Variants in PPM1E observed in about 807,000 individuals in gnomAD.
The protein encoded by PPM1E is protein phosphatase, Mg2+/Mn2+ dependent 1E.
A neutral mutation model predicts 65.9 loss-of-function variants in PPM1E; 20 were observed. The observed-to-expected ratio is 0.30, with a 90% confidence interval of 0.21 to 0.44. The LOEUF is 0.44. Among genes scored for constraint, PPM1E ranks in the 20% least tolerant of loss-of-function variants. PPM1E has a pLI of 1.00. For missense variants in PPM1E, 713 were observed against 953.1 expected (o/e 0.75, Z 3.32); for synonymous variants, 352 against 374.9 (o/e 0.94, Z 0.70).
At chr17:58,923,384 T>G (rs1413859776) in intron 1 of PPM1E, among the ~76,000 whole-genome samples, 1 of 148,584 alleles carries the variant, frequency 6.7e-6, no homozygotes, top group African/African-American at 2.5e-5. Flanking sequence ...AGGCAGAAGC[T>G]GGAGGATCAC....
At chr17:58,956,983 A>G (rs544175755) in intron 2 of PPM1E, among the ~76,000 whole-genome samples, 7 of 152,208 alleles carry the variant, frequency 4.6e-5, no homozygotes, top group Non-Finnish European at 8.8e-5. Flanking sequence ...ACTGACAGTA[A>G]CTGATTCACC....
At chr17:58,932,617 A>G (rs1344838845) in intron 1 of PPM1E, among the ~76,000 whole-genome samples, 1 of 152,236 alleles carries the variant, frequency 6.6e-6, no homozygotes, top group Non-Finnish European at 1.5e-5. Context: ...AGGAAGTTCC[A>G]GGATATCATT....
chr17:58,944,931 A>T (rs570102643), intron 1 of PPM1E, among the ~76,000 whole-genome samples: 2 of 152,310 alleles, frequency 1.3e-5, no homozygotes, highest in South Asian at 2.1e-4. Flanking sequence ...GTACCACTTT[A>T]CATCTCCACT....
In PPM1E at chr17:58,837,260, TAAAAAA is replaced by T. The variant is rs57058929; in HGVS notation, c.464+80816_464+80821del. Among the ~76,000 whole-genome samples the T allele has an allele frequency of 4.5e-5, 3 of 66,278 alleles. No individual in the cohort carries two copies. The East Asian group carries it at 1.6e-3, about 36-fold the overall frequency. The allele number at this position is 66,278 out of a possible 152,430, so 43.5% of individuals were successfully genotyped here. Reference sequence around the variant, plus strand: ...GTAAAACCCTGTCTCTTAAAAAAATTAAAAAAAAAAAAAAAAAAAAAAGAATTCCCA... The same window carrying T: ...GTAAAACCCTGTCTCTTAAAAAAATTAAAAAAAAAAAAAAAAGAATTCCCA... On this transcript the variant is annotated intron_variant, in intron 1 of 6. Coordinates refer to ENST00000308249, the MANE Select transcript of PPM1E (RefSeq NM_014906.5).
In PPM1E at chr17:58,983,183, G is replaced by A; in HGVS notation, c.*2152G>A. On this transcript the variant is annotated 3_prime_UTR_variant, in exon 7 of 7. Coordinates refer to ENST00000308249, the MANE Select transcript of PPM1E (RefSeq NM_014906.5). Reference sequence around the variant, plus strand: ...ATTTTGTAGGTCCGACTACACAGCAGTGTTAACTCATTTCTCATGCCATTA... The same window carrying A: ...ATTTTGTAGGTCCGACTACACAGCAATGTTAACTCATTTCTCATGCCATTA... 3 of 378,290 alleles carry A rather than the reference G, an allele frequency of 7.9e-6. No individual in the cohort carries two copies. In the East Asian group the frequency reaches 1.2e-4, roughly 16 times the overall value. The allele number at this position is 378,290 out of a possible 1,614,324, so 23.4% of individuals were successfully genotyped here.
At chr17:58,834,831 T>C (rs1477377462) in intron 1 of PPM1E, among the ~76,000 whole-genome samples, 2 of 152,236 alleles carry the variant, frequency 1.3e-5, no homozygotes, top group Admixed American at 6.5e-5. Flanking sequence ...ACCCTTATTT[T>C]ATTCTTTTTT....
intron 1 of PPM1E, among the ~76,000 whole-genome samples, chr17:58,769,959 G>A (rs936501274): frequency 5.9e-5 from 9 of 152,062 alleles, no homozygotes; most frequent in Non-Finnish European, 1.2e-4. Context: ...CCCAGGAGGT[G>A]GAGGTTATAG....
intron 1 of PPM1E, among the ~76,000 whole-genome samples, chr17:58,847,923 T>C (rs1052721841): frequency 3.3e-5 from 5 of 152,218 alleles, no homozygotes; most frequent in Admixed American, 3.3e-4. Flanking sequence ...TTCTTCCATT[T>C]GTTTGTGTCC....
chr17:58,958,407 C>T (rs1188803259), intron 2 of PPM1E, among the ~76,000 whole-genome samples: 1 of 151,552 alleles, frequency 6.6e-6, no homozygotes, highest in East Asian at 1.9e-4. Flanking sequence ...GACAGGGTCT[C>T]GCTATGTTGC....
chr17:58,963,530 C>G (rs1471635732), intron 2 of PPM1E, among the ~76,000 whole-genome samples: 2 of 150,932 alleles, frequency 1.3e-5, no homozygotes, highest in Non-Finnish European at 2.9e-5. Flanking sequence ...GGTGAAATGC[C>G]ATCTCTACTA....
chr17:58,954,031 A>G (rs2052279751), intron 1 of PPM1E, among the ~76,000 whole-genome samples: 1 of 152,236 alleles, frequency 6.6e-6, no homozygotes. Context: ...GGCATGAGCC[A>G]CCATGCCCAG....
At chr17:58,909,155 A>G (rs1168422174) in intron 1 of PPM1E, among the ~76,000 whole-genome samples, 2 of 151,916 alleles carry the variant, frequency 1.3e-5, no homozygotes, top group South Asian at 2.1e-4. Flanking sequence ...AATTTCTTTT[A>G]ATATTTCTTG....
chr17:58,955,507 C>A (rs987507334), intron 1 of PPM1E, 142 bp from the exon 2 acceptor site: 2 of 943,524 alleles, frequency 2.1e-6, no homozygotes, highest in African/African-American at 3.3e-5. Flanking sequence ...AGTGCCTACT[C>A]AATAAATATT....
rs955874207 is a variant in PPM1E, at chr17:58,816,748, A to G, written c.464+60287A>G. On this transcript the variant is annotated intron_variant, in intron 1 of 6. Transcript: ENST00000308249. ...AGCATGTATCAGAATATAAATATAT[A>G]TATATATATATATATATATATATAT... Among the ~76,000 whole-genome samples the G allele has an allele frequency of 7.1e-3, 62 of 8,702 alleles. 1 individual carries two copies. Among genetic ancestry groups the G allele is most frequent in the African/African-American group, 0.027 (40 of 1,478 alleles). The allele number at this position is 8,702 out of a possible 152,430, so 5.7% of individuals were successfully genotyped here.
chr17:58,847,782 A>C (rs2050786785), intron 1 of PPM1E, among the ~76,000 whole-genome samples: 1 of 152,134 alleles, frequency 6.6e-6, no homozygotes, highest in Non-Finnish European at 1.5e-5. Context: ...ATGAACTTGA[A>C]AGTAGTTTTT....
intron 1 of PPM1E, among the ~76,000 whole-genome samples, chr17:58,840,433 A>AGG (rs2050706933): frequency 6.6e-6 from 1 of 152,172 alleles, no homozygotes. Context: ...CTTAGAGAAT[A>AGG]CCTCCCTGGA....
chr17:58,876,251 CTTGA>C (rs1482231444), intron 1 of PPM1E, among the ~76,000 whole-genome samples: 2 of 152,032 alleles, frequency 1.3e-5, no homozygotes, highest in Non-Finnish European at 2.9e-5. Flanking sequence ...CTTTTGTGAG[CTTGA>C]TTAATTTTTA....
rs536588247 is a variant in PPM1E at position 58,893,421 on chromosome 17, A to G, written c.465-62228A>G. Among the ~76,000 whole-genome samples, 5 of 152,338 alleles carry G rather than the reference A, an allele frequency of 3.3e-5. No homozygotes were observed. In the South Asian group the frequency reaches 6.2e-4, roughly 19 times the overall value. Reference sequence around the variant, plus strand: ...TGGAAAAAGACAAAACTGTGGAGACAACAAACAGATCAGTGGTTTTCAAGT... The same window carrying G: ...TGGAAAAAGACAAAACTGTGGAGACGACAAACAGATCAGTGGTTTTCAAGT... On this transcript the variant is annotated intron_variant, in intron 1 of 6. Coordinates refer to ENST00000308249, the MANE Select transcript of PPM1E (RefSeq NM_014906.5).
chr17:58,949,539 G>A (rs1408326194), intron 1 of PPM1E, among the ~76,000 whole-genome samples: 1 of 152,156 alleles, frequency 6.6e-6, no homozygotes, highest in African/African-American at 2.4e-5. Flanking sequence ...ATTATTAATA[G>A]ATGAGGACTT....
Sources: allele counts gnomAD v4.1 joint callset (sites outside exome capture counted in the v4.1 genomes callset), GRCh38; gene constraint gnomAD v4.1.1; transcripts MANE v1.5; gene names NCBI Gene and HGNC (gene_info 2026-07-23, HGNC 2026-07-21).